Variants in CPVL observed in about 807,000 individuals in gnomAD.
The protein encoded by CPVL is carboxypeptidase vitellogenic like.
Under a neutral mutation model 63.7 loss-of-function variants are expected in CPVL, and 51 were observed. The ratio of observed to expected loss-of-function variants is 0.80; its 90% CI spans 0.64 to 1.01. The LOEUF is 1.01. Among genes scored for constraint, CPVL ranks in the 50% least tolerant of loss-of-function variants. The probability of loss-of-function intolerance (pLI) is 0.00; values close to 1 mark genes in which losing one functional copy is unlikely to be tolerated. For synonymous variants in CPVL, 195 were observed against 206.0 expected, an observed-to-expected ratio of 0.95 and a Z score of 0.46; for missense variants, 530 against 573.1, an observed-to-expected ratio of 0.92 and a Z score of 0.77.
At chr7:29,091,577 T>C (rs1785799075) in intron 6 of CPVL, among the ~76,000 whole-genome samples, 1 of 152,166 alleles carries the variant, frequency 6.6e-6, no homozygotes, top group Non-Finnish European at 1.5e-5. Flanking sequence ...TTGGCAAATA[T>C]GTCCCTAGGA....
intron 6 of CPVL, 33 bp downstream of exon 6, chr7:29,092,590 T>C: frequency 3.3e-6 from 5 of 1,506,664 alleles, no homozygotes; most frequent in South Asian, 1.1e-5. Flanking sequence ...TGTTTGGTCT[T>C]AGGAAAGCCA....
intron 1 of CPVL, among the ~76,000 whole-genome samples, chr7:29,135,373 C>T (rs1309396385): frequency 6.6e-6 from 1 of 151,694 alleles, no homozygotes; most frequent in Non-Finnish European, 1.5e-5. Flanking sequence ...GCTCTGTCGC[C>T]CAGGCTGGAG....
At chr7:29,059,207 C>G (rs1791033185) in intron 11 of CPVL, among the ~76,000 whole-genome samples, 1 of 152,122 alleles carries the variant, frequency 6.6e-6, no homozygotes. Flanking sequence ...CAAAGACATT[C>G]TTTATCTCTG....
chr7:29,104,554 C>T (rs1787534120), intron 3 of CPVL, among the ~76,000 whole-genome samples: 1 of 152,220 alleles, frequency 6.6e-6, no homozygotes. Flanking sequence ...AGCCACTGCA[C>T]CCAGCCTCAA....
At chr7:29,056,622 A>T (rs952573507) in intron 11 of CPVL, among the ~76,000 whole-genome samples, 2 of 152,338 alleles carry the variant, frequency 1.3e-5, no homozygotes, top group African/African-American at 4.8e-5. Context: ...GCAATTATGA[A>T]TAAAGCTGTT....
At chr7:28,998,612 T>C (rs1357389343) in intron 12 of CPVL, among the ~76,000 whole-genome samples, 1 of 152,196 alleles carries the variant, frequency 6.6e-6, no homozygotes, top group Non-Finnish European at 1.5e-5. Context: ...TGGGATGGTC[T>C]TCAGTAAATA....
intron 5 of CPVL, among the ~76,000 whole-genome samples, chr7:29,165,226 G>A (rs1212803789): frequency 6.6e-6 from 1 of 151,094 alleles, no homozygotes; most frequent in African/African-American, 2.5e-5. Flanking sequence ...AATGTTTTAT[G>A]GTTTTTGATA....
At chr7:29,064,639 G>A (rs1300144018) in intron 10 of CPVL, among the ~76,000 whole-genome samples, 1 of 152,140 alleles carries the variant, frequency 6.6e-6, no homozygotes, top group Non-Finnish European at 1.5e-5. Flanking sequence ...CAAGGGCCAG[G>A]TTGGTGGTGT....
intron 11 of CPVL, among the ~76,000 whole-genome samples, chr7:29,050,025 T>C (rs539733715): frequency 6.6e-6 from 1 of 151,730 alleles, no homozygotes; most frequent in East Asian, 1.9e-4. Context: ...CTCAATGTAA[T>C]AAAAGCCAAC....
chr7:29,081,390 A>T (rs913965015), intron 7 of CPVL: 1 of 152,220 alleles, frequency 6.6e-6, no homozygotes, highest in Non-Finnish European at 1.5e-5. Flanking sequence ...GAGGAGGAGG[A>T]AGAAGACAAA....
chr7:29,120,070 C>A (rs1036047694), intron 2 of CPVL, among the ~76,000 whole-genome samples: 13 of 152,202 alleles, frequency 8.5e-5, no homozygotes, highest in African/African-American at 2.9e-4. Flanking sequence ...GGTAATTCAA[C>A]CCCGGCTAAT....
intron 7 of CPVL, among the ~76,000 whole-genome samples, chr7:29,079,291 G>A (rs1482110498): frequency 6.6e-6 from 1 of 152,204 alleles, no homozygotes; most frequent in Non-Finnish European, 1.5e-5. Flanking sequence ...TTCAAGGTGA[G>A]AGCACCCAGT....
intron 12 of CPVL, among the ~76,000 whole-genome samples, chr7:29,005,588 C>G (rs1387336090): frequency 6.6e-6 from 1 of 152,078 alleles, no homozygotes; most frequent in Non-Finnish European, 1.5e-5. Context: ...ATGATCCATC[C>G]CATTCTTTCC....
At chr7:29,182,533 C>T (rs1798192583) in intron 4 of CPVL, among the ~76,000 whole-genome samples, 1 of 152,200 alleles carries the variant, frequency 6.6e-6, no homozygotes. Flanking sequence ...GTCTGTATTA[C>T]CCACGTTAAG....
chr7:29,046,698 T>C (rs1789656282), intron 11 of CPVL, among the ~76,000 whole-genome samples: 2 of 151,978 alleles, frequency 1.3e-5, no homozygotes, highest in African/African-American at 4.8e-5. Context: ...ATTTTCAGAA[T>C]CTTCAAGAAA....
At chr7:29,118,471 T>C (rs944637383) in intron 2 of CPVL, among the ~76,000 whole-genome samples, 3 of 152,354 alleles carry the variant, frequency 2.0e-5, no homozygotes, top group Admixed American at 6.5e-5. Context: ...GGGGCAGCCA[T>C]CTTCCCAAGA....
intron 11 of CPVL, among the ~76,000 whole-genome samples, chr7:29,040,741 G>C (rs983847706): frequency 2.6e-5 from 4 of 152,050 alleles, no homozygotes; most frequent in Non-Finnish European, 5.9e-5. Context: ...AATGGAAGTG[G>C]AACAGCAAGT....
chr7:29,158,303 C>A (rs987562475), intron 5 of CPVL, among the ~76,000 whole-genome samples: 1 of 152,168 alleles, frequency 6.6e-6, no homozygotes, highest in African/African-American at 2.4e-5. Context: ...ACCTCAGTTT[C>A]CACCATCCTA....
intron 1 of CPVL, chr7:29,192,482 G>A (rs1410876910): frequency 1.3e-5 from 2 of 152,190 alleles, no homozygotes; most frequent in African/African-American, 2.4e-5. Context: ...TTTGGGACAA[G>A]AAATATAAGC....
Sources: allele counts gnomAD v4.1 joint callset (sites outside exome capture counted in the v4.1 genomes callset), GRCh38; gene constraint gnomAD v4.1.1; transcripts MANE v1.5; gene names NCBI Gene and HGNC (gene_info 2026-07-23, HGNC 2026-07-21).